Variants in AAAS observed in about 807,000 individuals in gnomAD.
The protein encoded by AAAS is aladin WD repeat nucleoporin, also known as aladin.
AAAS carries 60 observed loss-of-function variants against 75.6 expected under a neutral mutation model. The observed-to-expected ratio is 0.79, with a 90% confidence interval of 0.64 to 0.98. AAAS has a LOEUF of 0.98. Among genes scored for constraint, AAAS ranks in the 50% least tolerant of loss-of-function variants. The probability of loss-of-function intolerance (pLI) is 0.00; values close to 1 mark genes in which losing one functional copy is unlikely to be tolerated. For missense variants in AAAS, 658 were observed against 686.9 expected (o/e 0.96, Z 0.47); for synonymous variants, 271 against 265.0 (o/e 1.02, Z -0.22).
rs1187147507 is a variant in AAAS, at chr12:53,308,654, G to A, written c.1087+71C>T. 11 of 1,600,388 alleles carry A rather than the reference G, an allele frequency of 6.9e-6. No individual in the cohort carries two copies. The African/African-American group carries it at 8.0e-5, about 12-fold the overall frequency. ...CTTCTATATTTCCCTTTATCCCTCA[G>A]AGCTGCATCTTACCAAAGGTTGCTG... On this transcript the variant is annotated intron_variant, in intron 11 of 15. Transcript: ENST00000209873.
rs748068341 is a variant in AAAS, at chr12:53,307,632, GC to G, written c.1497del (p.Arg500GlyfsTer51). On this transcript the variant is annotated frameshift_variant, in exon 16 of 16. Transcript: ENST00000209873. LOFTEE classifies it high-confidence loss of function. ...AQFPRFSPVL[G>X]RAQEPPAGGG... is the part of the protein sequence containing the mutation. ...CCCCCAGCAGGGGGTTCCTGGGCCC[GC>G]CCAAGCACTGGGCTAAAACGTGGAA... 3.1e-6 allele frequency: 5 copies of G among 1,614,060 alleles called. No individual in the cohort carries two copies. The highest frequency in any genetic ancestry group is 1.7e-5 in the Admixed American group (1 of 59,998).
chr12:53,309,731 A>AAC lies in AAAS; in HGVS notation c.690-12_690-11dup. 6.2e-7 allele frequency: 1 copy of AAC among 1,612,386 alleles called. No individual in the cohort carries two copies. The highest frequency in any genetic ancestry group is 8.5e-7 in the Non-Finnish European group (1 of 1,179,468). On this transcript the variant is annotated splice_polypyrimidine_tract_variant and intron_variant, in intron 7 of 15. Coordinates refer to ENST00000209873, the MANE Select transcript of AAAS (RefSeq NM_015665.6). ...ACAGCCAGAAGAGGGTCTGGAGGGG[A>AAC]ACACAGAGGATGTGGAGTCAGAAGA...
chr12:53,307,626 G>A lies in AAAS; in HGVS notation c.1504C>T (p.Gln502Ter), dbSNP rs768500784. 1 of 1,614,232 alleles carries A rather than the reference G, an allele frequency of 6.2e-7. No homozygotes were observed. Residue 502 changes from glutamine (Q) to a stop codon, truncating the protein, a stop_gained, in exon 16 of 16, where the codon CAG becomes TAG. Coordinates refer to ENST00000209873, the MANE Select transcript of AAAS (RefSeq NM_015665.6). LOFTEE classifies it high-confidence loss of function. ...CCTCCACCCCCAGCAGGGGGTTCCT[G>A]GGCCCGCCCAAGCACTGGGCTAAAA... ...PRFSPVLGRA[Q>*]EPPAGGGGSI...
At chr12:53,316,834 C>T (rs954368225) in intron 2 of AAAS, among the ~76,000 whole-genome samples, 9 of 149,994 alleles carry the variant, frequency 6.0e-5, no homozygotes, top group African/African-American at 2.2e-4. Flanking sequence ...AACCCTAGCA[C>T]TTTGGGAGGC....
rs1944322359 is a variant in AAAS at position 53,308,144 on chromosome 12, T to C, written c.1250-11A>G. ...GTACCCTTGGCTTTCCTGTAAGAAA[T>C]GGATCCAGGGATAGGGGAGGAACTC... On this transcript the variant is annotated splice_polypyrimidine_tract_variant and intron_variant, in intron 13 of 15. Transcript: ENST00000209873. The C allele has an allele frequency of 5.0e-6, 8 of 1,613,886 alleles. No individual in the cohort carries two copies. The Admixed American group carries it at 1.3e-4, about 27-fold the overall frequency.
intron 7 of AAAS, among the ~76,000 whole-genome samples, chr12:53,310,873 T>C (rs1944379021): frequency 6.6e-6 from 1 of 152,374 alleles, no homozygotes; most frequent in South Asian, 2.1e-4. Context: ...TACCACTCAA[T>C]AGATGAACTA....
rs757496840 is a variant in AAAS, at chr12:53,309,686, G to A, written c.725C>T (p.Pro242Leu). ...CAAGCTGGTAACAGGTGTATGCCCA[G>A]GGTGAGACAGCACTTGGGCACAGCC... ...SSGCAQVLSH[P>L]GHTPVTSLAW... The change falls in exon 8 of 16, where the codon CCT becomes CTT. Residue 242 changes from proline (P) to leucine (L), a missense_variant. By Grantham distance (98) the Pro-to-Leu change is moderately conservative. Coordinates refer to ENST00000209873, the MANE Select transcript of AAAS (RefSeq NM_015665.6). 19 of 1,613,260 alleles carry A rather than the reference G, an allele frequency of 1.2e-5. No homozygotes were observed. Among genetic ancestry groups the A allele is most frequent in the Non-Finnish European group, 1.6e-5 (19 of 1,179,846 alleles).
rs762121998 is a variant in AAAS at position 53,309,193 on chromosome 12, C to A, written c.899G>T (p.Ser300Ile). 1.2e-6 allele frequency: 2 copies of A among 1,614,166 alleles called. No homozygotes were observed. Among genetic ancestry groups the A allele is most frequent in the South Asian group, 2.2e-5 (2 of 91,086 alleles). Residue 300 changes from serine to isoleucine, a missense_variant, in exon 9 of 16, where the codon AGC becomes ATC. Physicochemically the swap from Ser to Ile is moderately radical, Grantham distance 142 (BLOSUM62 -2). Coordinates refer to ENST00000209873, the MANE Select transcript of AAAS (RefSeq NM_015665.6). ...TGAAGGAGTGGTAGCCAGGATTTTG[C>A]TGCCGTCTGGGGACCAGAGCAGGTT... is the stretch of plus-strand genomic sequence containing the variant. ...VTNLLWSPDG[S>I]KILATTPSAV...
intron 2 of AAAS, among the ~76,000 whole-genome samples, chr12:53,318,581 A>G (rs1457849931): frequency 2.0e-5 from 3 of 152,180 alleles, no homozygotes; most frequent in Non-Finnish European, 4.4e-5. Flanking sequence ...AGGTAATCTA[A>G]GTAGAAAGTA....
intron 2 of AAAS, among the ~76,000 whole-genome samples, chr12:53,317,674 G>A (rs770916677): frequency 1.6e-4 from 24 of 152,016 alleles, no homozygotes; most frequent in Non-Finnish European, 2.4e-4. Context: ...CCCAGGAGGC[G>A]GAGGTTGCAG....
Position 53,315,436 on chromosome 12 carries a change from T to C in AAAS, c.308-10A>G, listed in dbSNP as rs537923391. 12 of 1,610,880 alleles carry C rather than the reference T, an allele frequency of 7.4e-6. No individual in the cohort carries two copies. The highest frequency in any genetic ancestry group is 4.0e-5 in the African/African-American group (3 of 74,976). On this transcript the variant is annotated splice_polypyrimidine_tract_variant and intron_variant, in intron 3 of 15. Coordinates refer to ENST00000209873, the MANE Select transcript of AAAS (RefSeq NM_015665.6). ...TTCACCCACTCAAACACTGTAGGGT[T>C]GAGGAAGCAGCTCTGATTAAACCAT...
chr12:53,320,536 G>A (rs549870304), intron 2 of AAAS, 29 bp downstream of exon 2: 2 of 1,612,944 alleles, frequency 1.2e-6, no homozygotes, highest in South Asian at 2.2e-5. Context: ...TGCAGACTGT[G>A]ACCCAGGAAA....
At chr12:53,310,576 A>C (rs1054716017) in intron 7 of AAAS, among the ~76,000 whole-genome samples, 17 of 151,296 alleles carry the variant, frequency 1.1e-4, no homozygotes, top group South Asian at 2.1e-4. Flanking sequence ...AAAAAAAAAA[A>C]GATGCAGCAT....
chr12:53,320,775 G>A (rs899600092), intron 1 of AAAS, 83 bp from the exon 2 acceptor site: 11 of 1,507,636 alleles, frequency 7.3e-6, no homozygotes, highest in Non-Finnish European at 1.0e-5. Flanking sequence ...ACCCACCGCT[G>A]GGCTAAGTAT....
Position 53,308,819 on chromosome 12 carries a change from G to T in AAAS, c.997-4C>A. 1 of 1,613,968 alleles carries T rather than the reference G, an allele frequency of 6.2e-7. No individual in the cohort carries two copies. ...CATCTGGGCTCCAGCAGCCAGTCTG[G>T]GGTCAGGGAGCAAAAGGCAGGAGAA... On this transcript the variant is annotated splice_polypyrimidine_tract_variant and splice_region_variant and intron_variant, in intron 10 of 15. Transcript: ENST00000209873.
At chr12:53,319,478 G>A (rs779489447) in intron 2 of AAAS, among the ~76,000 whole-genome samples, 25 of 152,294 alleles carry the variant, frequency 1.6e-4, no homozygotes, top group Non-Finnish European at 2.6e-4. Flanking sequence ...GATTATAGGC[G>A]TGAGTCACTG....
At chr12:53,310,356 G>A (rs555529533) in intron 7 of AAAS, among the ~76,000 whole-genome samples, 3 of 152,268 alleles carry the variant, frequency 2.0e-5, no homozygotes, top group Non-Finnish European at 2.9e-5. Flanking sequence ...TCAAGAGATC[G>A]AGACCATTCT....
chr12:53,308,666 AC>A, intron 11 of AAAS, 58 bp downstream of exon 11: 1 of 1,604,934 alleles, frequency 6.2e-7, no homozygotes, highest in African/African-American at 1.3e-5. Context: ...GCTGCATCTT[AC>A]CAAAGGTTGC....
chr12:53,312,055 T>C (rs907290611), intron 7 of AAAS, among the ~76,000 whole-genome samples: 7 of 152,102 alleles, frequency 4.6e-5, no homozygotes, highest in Non-Finnish European at 1.0e-4. Context: ...AGGCCGGGCA[T>C]GGTGGCTCAC....
Sources: allele counts gnomAD v4.1 joint callset (sites outside exome capture counted in the v4.1 genomes callset), GRCh38; gene constraint gnomAD v4.1.1; transcripts MANE v1.5; gene names NCBI Gene and HGNC (gene_info 2026-07-23, HGNC 2026-07-21).